Variants in NFRKB observed in about 807,000 individuals in gnomAD.
NFRKB encodes nuclear factor related to kappaB binding protein.
A neutral mutation model predicts 135.7 loss-of-function variants in NFRKB; 62 were observed. The ratio of observed to expected loss-of-function variants is 0.46; its 90% confidence interval spans 0.37 to 0.56. The LOEUF (loss-of-function observed/expected upper bound fraction) is 0.56. NFRKB is among the 20% of genes least tolerant of loss of function. The pLI is 0.00. For missense variants in NFRKB, 1,545 were observed against 1,662.0 expected (o/e 0.93, Z 1.22); for synonymous variants, 678 against 635.6 (o/e 1.07, Z -1.00).
At chr11:129,873,128 T>TA in intron 22 of NFRKB, 32 bp from the exon 23 acceptor site, 1 of 1,527,170 alleles carries the variant, frequency 6.5e-7, no homozygotes, top group Non-Finnish European at 8.9e-7. Flanking sequence ...AGAGCTTAAT[T>TA]AGACTCTAAG....
chr11:129,893,583 G>C (rs1488874141), intron 2 of NFRKB, among the ~76,000 whole-genome samples: 2 of 149,880 alleles, frequency 1.3e-5, no homozygotes. Flanking sequence ...AAAGGAAAAA[G>C]AGAAAGAATA....
chr11:129,883,237 AG>A, intron 8 of NFRKB, 31 bp from the exon 9 acceptor site: 1 of 1,589,838 alleles, frequency 6.3e-7, no homozygotes, highest in Non-Finnish European at 8.6e-7. Context: ...TTGGTCATGG[AG>A]GCCCAAAAAG....
Position 129,864,832 on chromosome 11 carries a change from G to A in NFRKB, c.3793C>T (p.Pro1265Ser), listed in dbSNP as rs1201102684. Residue 1265 changes from proline to serine, a missense_variant, in exon 27 of 27, where the codon CCT becomes TCT. Pro to Ser is a moderately conservative substitution (Grantham distance 74, BLOSUM62 -1). Transcript: ENST00000682444. The stretch of plus-strand genomic sequence containing the variant: ...GTTCCCTGTTGGAGATGGGATGCAG[G>A]GACAGTCTGGATGCGCACCTGTTTG... ...QATQVRIQTV[P>S]ASHLQQGTAS... The A allele has an allele frequency of 3.1e-6, 5 of 1,614,044 alleles. No homozygotes were observed. Among genetic ancestry groups the A allele is most frequent in the Non-Finnish European group, 4.2e-6 (5 of 1,179,988 alleles).
At position 129,864,636 on chromosome 11, in the gene NFRKB, A is replaced by G; in HGVS notation, c.*89T>C. 1 of 1,577,842 alleles carries G rather than the reference A, an allele frequency of 6.3e-7. No homozygotes were observed. On this transcript the variant is annotated 3_prime_UTR_variant, in exon 27 of 27. Coordinates refer to ENST00000682444, the MANE Select transcript of NFRKB (RefSeq NM_001143835.2). ...CTCGCCTGGCTGCCTTGAACAGGCA[A>G]GCTTAAAACAATGATGCAACCTCCC... is the stretch of plus-strand genomic sequence containing the variant.
intron 3 of NFRKB, 98 bp from the exon 4 acceptor site, chr11:129,888,893 C>A (rs1381990367): frequency 1.7e-5 from 15 of 864,350 alleles, no homozygotes; most frequent in Non-Finnish European, 1.2e-5. Flanking sequence ...ATAAGATTTA[C>A]CAATTTAACC....
rs1163018830 is a variant in NFRKB, at chr11:129,881,792, G to A, written c.1253C>T (p.Ser418Phe). 1.2e-6 allele frequency: 2 copies of A among 1,613,862 alleles called. No individual in the cohort carries two copies. The highest frequency in any genetic ancestry group is 1.7e-6 in the Non-Finnish European group (2 of 1,180,008). Residue 418 changes from serine to phenylalanine, a missense_variant, in exon 12 of 27, where the codon TCT (serine) becomes TTT (phenylalanine). Ser to Phe is a radical substitution (Grantham distance 155). Around this residue, in one of 3 missense-constraint regions of NFRKB, gnomAD observed 678 missense variants for 646.7 expected, o/e 1.05. Coordinates refer to ENST00000682444, the MANE Select transcript of NFRKB (RefSeq NM_001143835.2). The stretch of plus-strand genomic sequence containing the variant: ...CAACTCAGCCCAGTTGGGGGCCGCA[G>A]AGAACCAGCTGTTGAGGGAGCTGGC... ...SPASSLNSWF[S>F]AAPNWAELVL...
intron 3 of NFRKB, among the ~76,000 whole-genome samples, chr11:129,889,684 C>G (rs1044983139): frequency 1.3e-5 from 2 of 150,346 alleles, no homozygotes; most frequent in African/African-American, 4.9e-5. Flanking sequence ...AAACATCCCA[C>G]ATTTACAATG....
intron 17 of NFRKB, among the ~76,000 whole-genome samples, chr11:129,876,173 T>A (rs1234118272): frequency 6.6e-6 from 1 of 152,188 alleles, no homozygotes; most frequent in Non-Finnish European, 1.5e-5. Context: ...AAGAATATCA[T>A]TTATACTCAT....
intron 3 of NFRKB, among the ~76,000 whole-genome samples, chr11:129,891,129 G>A (rs1024395655): frequency 1.3e-5 from 2 of 152,152 alleles, no homozygotes; most frequent in African/African-American, 2.4e-5. Flanking sequence ...GGCCTTGTCC[G>A]TGCTTGCAGT....
Position 129,866,002 on chromosome 11 carries a change from C to A in NFRKB, c.3532-19G>T. ...ACTTCCCCTAGAAAAAAAAAGCAGT[C>A]AGGTTTTGTAAGACAGGAGGTAAGG... is the stretch of plus-strand genomic sequence containing the variant. On this transcript the variant is annotated intron_variant, in intron 24 of 26. Transcript: ENST00000682444. 6.3e-7 allele frequency: 1 copy of A among 1,577,954 alleles called. No homozygotes were observed. The highest frequency in any genetic ancestry group is 1.2e-5 in the South Asian group (1 of 86,056).
In NFRKB at chr11:129,881,457, T is replaced by A; in HGVS notation, c.1370A>T (p.Gln457Leu). ...PFVEFKEKTQ[Q>L]WKLLGQSQDN... ...GGATCACTTACCAAGCAACTTCCAC[T>A]GCTGGGTTTTCTCTTTGAATTCAAC... Residue 457 changes from glutamine to leucine, a missense_variant, in exon 13 of 27, where the codon CAG becomes CTG. Gln to Leu is a moderately radical substitution (Grantham distance 113). This residue lies in a region of NFRKB where 678 missense variants were observed against 646.7 expected (regional missense o/e 1.05). Transcript: ENST00000682444. 6.2e-7 allele frequency: 1 copy of A among 1,614,180 alleles called. No individual in the cohort carries two copies. Among genetic ancestry groups the A allele is most frequent in the Non-Finnish European group, 8.5e-7 (1 of 1,180,020 alleles).
chr11:129,874,322 G>T lies in NFRKB; in HGVS notation c.2070C>A (p.Ser690Arg). The change falls in exon 21 of 27, where the codon AGC (serine) becomes AGA (arginine). Residue 690 changes from serine to arginine, a missense_variant. Ser to Arg is a moderately radical substitution (Grantham distance 110). Transcript: ENST00000682444. This position sits in a 1 kb window ranked among gnomAD's most constrained non-coding sequence, Gnocchi z 4.5. The part of the protein sequence containing the change: ...PKPPSKVKSS[S>R]KESSIKVLSS... ...TAAGGACCTTTATGGAGCTCTCCTT[G>T]CTACTGGACTTCTAGAACGGAAGAC... 1.3e-6 allele frequency: 2 copies of T among 1,517,738 alleles called. No individual in the cohort carries two copies. Among genetic ancestry groups the T allele is most frequent in the Non-Finnish European group, 8.8e-7 (1 of 1,135,586 alleles). 94.0% of individuals were successfully genotyped at this position (1,517,738 alleles called of 1,614,324 possible).
At chr11:129,885,015 T>C (rs1299735549) in intron 6 of NFRKB, 169 bp from the exon 7 acceptor site, 6 of 906,948 alleles carry the variant, frequency 6.6e-6, no homozygotes, top group Admixed American at 2.7e-5. Flanking sequence ...ACTTAGGTCA[T>C]CTAACGGCTC....
At chr11:129,882,704 A>C in intron 9 of NFRKB, 73 bp from the exon 10 acceptor site, 1 of 1,450,664 alleles carries the variant, frequency 6.9e-7, no homozygotes. Flanking sequence ...TTATCTGCAT[A>C]TTCTTTTCCC....
At chr11:129,888,885 A>C (rs956989151) in intron 3 of NFRKB, 90 bp from the exon 4 acceptor site, 13 of 919,584 alleles carry the variant, frequency 1.4e-5, no homozygotes, top group African/African-American at 5.0e-5. Context: ...TAATATACAT[A>C]AGATTTACCA....
At chr11:129,881,601 G>A (rs1304526283) in intron 12 of NFRKB, 93 bp from the exon 13 acceptor site, 12 of 1,594,258 alleles carry the variant, frequency 7.5e-6, no homozygotes, top group East Asian at 4.5e-5. Flanking sequence ...TAGAAAAGCA[G>A]GAACCTTCAA....
rs1213392924 is a variant in NFRKB at position 129,885,025 on chromosome 11, C to G, written c.641-179G>C. On this transcript the variant is annotated intron_variant, in intron 6 of 26. Transcript: ENST00000682444. ...AGCACACTTAGGTCATCTAACGGCT[C>G]TTCCAGGAAGAGAGACTTCAACAGA... 1.0e-5 allele frequency: 9 copies of G among 858,662 alleles called. No individual in the cohort carries two copies. The Admixed American group carries it at 2.4e-4, about 23-fold the overall frequency. The allele number at this position is 858,662 out of a possible 1,614,324, so 53.2% of individuals were successfully genotyped here.
At chr11:129,882,379 C>G in intron 10 of NFRKB, 72 bp downstream of exon 10, 1 of 1,535,810 alleles carries the variant, frequency 6.5e-7, no homozygotes, top group Non-Finnish European at 8.8e-7. Flanking sequence ...ACGACAAGCC[C>G]TAGGGGCCAG....
intron 13 of NFRKB, 38 bp from the exon 14 acceptor site, chr11:129,878,581 CTAAGG>C: frequency 6.5e-7 from 1 of 1,529,982 alleles, no homozygotes; most frequent in South Asian, 1.1e-5. Context: ...ATAAGAAGGT[CTAAGG>C]TATTATTGAG....
Sources: allele counts gnomAD v4.1 joint callset (sites outside exome capture counted in the v4.1 genomes callset), GRCh38; gene constraint gnomAD v4.1.1; regional missense constraint gnomAD v4.1.1; non-coding constraint Gnocchi (gnomAD v3.1); transcripts MANE v1.5; gene names NCBI Gene and HGNC (gene_info 2026-07-23, HGNC 2026-07-21).